PAK3: variants seen among roughly 807,000 people sequenced by gnomAD.
PAK3 encodes the protein p21 (RAC1) activated kinase 3.
PAK3 carries 4 observed loss-of-function variants against 41.0 expected under a neutral mutation model. The ratio of observed to expected loss-of-function variants is 0.10; its 90% CI spans 0.05 to 0.22. The LOEUF (loss-of-function observed/expected upper bound fraction) is 0.22. Among genes scored for constraint, PAK3 ranks in the 10% least tolerant of loss-of-function variants. The pLI is 1.00. For synonymous variants in PAK3, 146 were observed against 139.6 expected (o/e 1.05, Z -0.32); for missense variants, 205 against 409.9 (o/e 0.50, Z 4.32).
intron 11 of PAK3, among the ~76,000 whole-genome samples, chrX:111,175,291 G>A (rs2094393406): frequency 9.0e-6 from 1 of 111,176 alleles, no homozygotes; most frequent in Non-Finnish European, 1.9e-5. Context: ...AAATGGAAAT[G>A]TACTTAAGTA....
intron 1 of PAK3, among the ~76,000 whole-genome samples, chrX:111,054,105 C>T (rs2092583997): frequency 8.9e-6 from 1 of 112,083 alleles, no homozygotes; most frequent in African/African-American, 3.2e-5. Flanking sequence ...CCATCCTGCC[C>T]CTCTGCATGT....
rs2092982843 is a variant in PAK3 at position 111,096,345 on chromosome X, C to T, written c.-423C>T. The T allele has an allele frequency of 9.0e-6, 1 of 111,568 alleles. No individual in the cohort carries two copies. The highest frequency in any genetic ancestry group is 3.3e-5 in the African/African-American group (1 of 30,656). 9.2% of individuals were successfully genotyped at this position (111,568 alleles called of 1,213,427 possible). ...CGGCTGCGGCCGCGGGGCTGCGGCT[C>T]CCCAGCCCCGCCAGCTGGAGCGCTC... On this transcript the variant is annotated 5_prime_UTR_variant, in exon 1 of 18. Transcript: ENST00000372007.
At chrX:111,028,027 G>GTGTATATATATATATACATATATATATA (rs57456281) in intron 1 of PAK3, among the ~76,000 whole-genome samples, 28 of 97,866 alleles carry the variant, frequency 2.9e-4, no homozygotes, top group African/African-American at 1.0e-3. Context: ...ACATATATAT[G>GTGTATATATATATATACATATATATATA]TGTGTATATA....
At chrX:111,092,216 T>C (rs763729399), upstream of PAK3, among the ~76,000 whole-genome samples, 10 of 111,982 alleles carry the variant, frequency 8.9e-5, no homozygotes, top group East Asian at 2.2e-3. Flanking sequence ...CTATTTCCCC[T>C]TTTAATGATG....
upstream of PAK3, among the ~76,000 whole-genome samples, chrX:111,093,579 G>A (rs1030536901): frequency 8.9e-6 from 1 of 112,103 alleles, no homozygotes; most frequent in Non-Finnish European, 1.9e-5. Context: ...CATGTTGACA[G>A]TAAAGACTGC....
intron 1 of PAK3, among the ~76,000 whole-genome samples, chrX:111,063,774 C>T (rs2092677810): frequency 9.4e-6 from 1 of 106,267 alleles, no homozygotes; most frequent in African/African-American, 3.5e-5. Context: ...TACAGTAAGC[C>T]GAGATTGCGC....
rs577535986 is a variant in PAK3, at chrX:111,181,071, G to T, written c.830+7990G>T. 3.6e-5 allele frequency among the ~76,000 whole-genome samples: 4 copies of T among 110,966 alleles called. No individual in the cohort carries two copies. In the Admixed American group the frequency reaches 3.8e-4, roughly 11 times the overall value. On this transcript the variant is annotated intron_variant, in intron 11 of 17. Coordinates refer to ENST00000372007, the MANE Select transcript of PAK3 (RefSeq NM_002578.5). ...CAACACAGCTGTATTCACTTATTTGGGATTATAGTCGTATAATAAAAACAC... is the reference window on the plus strand; with the variant it reads ...CAACACAGCTGTATTCACTTATTTGTGATTATAGTCGTATAATAAAAACAC...
chrX:111,179,013 A>ATC (rs370837114), intron 11 of PAK3, among the ~76,000 whole-genome samples: 1,948 of 100,146 alleles, frequency 0.019, 56 homozygotes, highest in African/African-American at 0.069. Context: ...CTATATATCT[A>ATC]TATATATATA....
intron 11 of PAK3, among the ~76,000 whole-genome samples, chrX:111,187,180 T>C (rs747686310): frequency 1.8e-5 from 2 of 112,354 alleles, no homozygotes; most frequent in South Asian, 7.3e-4. Context: ...TACAAGTTGA[T>C]ATAATTCTAG....
chrX:111,030,023 A>G (rs1425142501), intron 1 of PAK3, among the ~76,000 whole-genome samples: 2 of 112,173 alleles, frequency 1.8e-5, no homozygotes, highest in East Asian at 2.8e-4. Context: ...TTATGCAGTC[A>G]TGATTTAATA....
chrX:111,105,993 C>G (rs936665060), intron 4 of PAK3, among the ~76,000 whole-genome samples: 2 of 111,727 alleles, frequency 1.8e-5, no homozygotes, highest in African/African-American at 6.5e-5. Context: ...ACTTAACACT[C>G]ACATATTCAC....
intron 1 of PAK3, among the ~76,000 whole-genome samples, chrX:111,078,757 C>G (rs1220864140): frequency 2.7e-5 from 3 of 111,822 alleles, no homozygotes; most frequent in African/African-American, 9.7e-5. Context: ...CCAAGATAGA[C>G]CTAAGCTAGG....
upstream of PAK3, among the ~76,000 whole-genome samples, chrX:111,092,446 T>C (rs2092937258): frequency 8.9e-6 from 1 of 111,885 alleles, no homozygotes; most frequent in Non-Finnish European, 1.9e-5. Flanking sequence ...CTGTTCTGCA[T>C]TTTTTCACTC....
At position 111,144,966 on chromosome X, in the gene PAK3, C is replaced by T. The variant is rs376404380; in HGVS notation, c.276+2770C>T. The T allele has an allele frequency of 2.5e-4, 187 of 760,630 alleles. 1 individual carries two copies. The East Asian group carries it at 3.3e-3, about 13-fold the overall frequency. The allele number at this position is 760,630 out of a possible 1,213,427, so 62.7% of individuals were successfully genotyped here. On this transcript the variant is annotated intron_variant, in intron 6 of 17. Coordinates refer to ENST00000372007, the MANE Select transcript of PAK3 (RefSeq NM_002578.5). ...ATCATTTCTTATGATAAGATAAATGCTTGGCCTGTTATATCGTGCTGCCAT... is the reference window on the plus strand; with the variant it reads ...ATCATTTCTTATGATAAGATAAATGTTTGGCCTGTTATATCGTGCTGCCAT...
At chrX:111,163,919 G>A (rs1186328374) in intron 10 of PAK3, among the ~76,000 whole-genome samples, 192 bp downstream of exon 10, 1 of 111,791 alleles carries the variant, frequency 8.9e-6, no homozygotes, top group African/African-American at 3.2e-5. Flanking sequence ...AATTTGACAG[G>A]AACTAAATAT....
intron 10 of PAK3, among the ~76,000 whole-genome samples, chrX:111,172,288 A>G (rs752087171): frequency 6.2e-5 from 7 of 112,029 alleles, no homozygotes; most frequent in African/African-American, 9.7e-5. Context: ...GTGTTAACTC[A>G]TTCTGGTTTT....
intron 4 of PAK3, among the ~76,000 whole-genome samples, chrX:111,119,918 G>A (rs1016676658): frequency 2.7e-5 from 3 of 112,199 alleles, no homozygotes; most frequent in Non-Finnish European, 5.6e-5. Context: ...CAACAGCAAA[G>A]CAGAATTATC....
At chrX:111,143,857 GT>G (rs765390274) in intron 6 of PAK3, among the ~76,000 whole-genome samples, 1 of 111,023 alleles carries the variant, frequency 9.0e-6, no homozygotes, top group African/African-American at 3.3e-5. Flanking sequence ...CTACTATTGT[GT>G]TTTATTGTTG....
intron 1 of PAK3, among the ~76,000 whole-genome samples, chrX:110,958,844 T>G (rs186287826): frequency 1.2e-4 from 13 of 111,876 alleles, no homozygotes; most frequent in African/African-American, 3.9e-4. Flanking sequence ...ATATGATGTA[T>G]TAAATGCTGT....
Sources: allele counts gnomAD v4.1 joint callset (sites outside exome capture counted in the v4.1 genomes callset), GRCh38; gene constraint gnomAD v4.1.1; transcripts MANE v1.5; gene names NCBI Gene and HGNC (gene_info 2026-07-23, HGNC 2026-07-21).